Variants in PUDP observed in about 807,000 individuals in gnomAD.
PUDP encodes pseudouridine 5'-phosphatase, also known as pseudouridine-5'-phosphatase.
Under a neutral mutation model 9.4 loss-of-function variants are expected in PUDP, and 8 were observed. The ratio of observed to expected loss-of-function variants is 0.85; its 90% CI spans 0.50 to 1.53. The LOEUF is 1.53. Ranked by LOEUF, PUDP falls within the 40% of genes most tolerant of loss-of-function variation. PUDP has a pLI of 0.00. For synonymous variants in PUDP, 99 were observed against 80.7 expected, an observed-to-expected ratio of 1.23 and a Z score of -1.22; for missense variants, 188 against 189.7, an observed-to-expected ratio of 0.99 and a Z score of 0.05.
chrX:7,113,520 T>C (rs1932110014), intron 1 of PUDP: 1 of 112,582 alleles, frequency 8.9e-6, no homozygotes, highest in South Asian at 3.7e-4. Context: ...AGCACCTTAA[T>C]GGCAGCTGAG....
intron 3 of PUDP, among the ~76,000 whole-genome samples, chrX:6,932,580 T>C (rs764803836): frequency 1.8e-5 from 2 of 110,571 alleles, no homozygotes; most frequent in East Asian, 5.8e-4. Context: ...CCATCTGAGG[T>C]ACCGGGTTCA....
rs1702805668 is a variant in PUDP at position 6,800,366 on chromosome X, A to C, written c.*248-93900T>G. On this transcript the variant is annotated intron_variant and NMD_transcript_variant, in intron 3 of 3. Transcript: ENST00000655425. ...TAATAGAAGAAATCTCTCCATTTTC[A>C]TTAGATGAGAAAATGAAAGAAAATG... Among the ~76,000 whole-genome samples the C allele has an allele frequency of 2.7e-5, 3 of 112,040 alleles. No homozygotes were observed. The South Asian group carries it at 1.1e-3, about 42-fold the overall frequency.
chrX:6,905,743 G>A (rs974295837), intron 3 of PUDP, among the ~76,000 whole-genome samples: 1 of 111,225 alleles, frequency 9.0e-6, no homozygotes, highest in South Asian at 3.8e-4. Context: ...CAGAGACTTC[G>A]GTGTACAAAA....
chrX:7,042,668 T>C (rs1228337109), intron 1 of PUDP, among the ~76,000 whole-genome samples: 3 of 102,651 alleles, frequency 2.9e-5, no homozygotes, highest in Non-Finnish European at 5.9e-5. Context: ...TTGGGGGGGG[T>C]AGACATCAAA....
intron 3 of PUDP, among the ~76,000 whole-genome samples, chrX:6,973,552 ATTG>A (rs1928909743): frequency 8.9e-6 from 1 of 112,024 alleles, no homozygotes; most frequent in Admixed American, 9.5e-5. Context: ...TTGTAATTTG[ATTG>A]CACTGTGGTC....
chrX:7,062,597 G>A (rs1249817860), intron 3 of PUDP, among the ~76,000 whole-genome samples: 8 of 109,424 alleles, frequency 7.3e-5, no homozygotes, highest in African/African-American at 2.7e-4. Context: ...ACATTGTACT[G>A]GGGGCAGGCA....
intron 3 of PUDP, among the ~76,000 whole-genome samples, chrX:6,917,866 G>A (rs749025724): frequency 5.4e-4 from 61 of 112,099 alleles, no homozygotes; most frequent in African/African-American, 1.9e-3. Context: ...AGAAAGGTCC[G>A]TGAGAACATA....
At chrX:7,070,582 CTTT>C (rs775715448) in intron 3 of PUDP, among the ~76,000 whole-genome samples, 1 of 105,094 alleles carries the variant, frequency 9.5e-6, no homozygotes, top group Admixed American at 1.0e-4. Flanking sequence ...CAAATATTAA[CTTT>C]TTTTTTTTTT....
At chrX:6,971,583 ATT>A (rs745507486) in intron 3 of PUDP, among the ~76,000 whole-genome samples, 2 of 95,325 alleles carry the variant, frequency 2.1e-5, no homozygotes, top group Non-Finnish European at 2.1e-5. Flanking sequence ...CGCCCGGCTA[ATT>A]TTTTTTTTTT....
At chrX:6,804,068 G>A (rs1301590952) in intron 3 of PUDP, among the ~76,000 whole-genome samples, 1 of 111,564 alleles carries the variant, frequency 9.0e-6, no homozygotes, top group Non-Finnish European at 1.9e-5. Flanking sequence ...GCATGGTATT[G>A]TTTGAGATGA....
At chrX:7,036,708 C>T (rs1346046313) in intron 1 of PUDP, among the ~76,000 whole-genome samples, 5 of 111,429 alleles carry the variant, frequency 4.5e-5, no homozygotes, top group African/African-American at 1.3e-4. Context: ...TTGTGTCTCT[C>T]TCTCTGAGAT....
chrX:7,096,597 A>C (rs1237953699), intron 2 of PUDP, among the ~76,000 whole-genome samples: 2 of 111,338 alleles, frequency 1.8e-5, no homozygotes. Context: ...TGGGAGGCTG[A>C]GGAAGGAGGA....
intron 3 of PUDP, among the ~76,000 whole-genome samples, chrX:6,956,803 C>A (rs1462898373): frequency 9.0e-6 from 1 of 111,730 alleles, no homozygotes; most frequent in African/African-American, 3.3e-5. Flanking sequence ...CCAAAAGCCA[C>A]CATAGAAGGG....
At chrX:6,992,173 A>G (rs764315243) in intron 1 of PUDP, among the ~76,000 whole-genome samples, 3 of 110,474 alleles carry the variant, frequency 2.7e-5, no homozygotes, top group East Asian at 5.6e-4. Context: ...TTGCAGTTGC[A>G]TCGGATGTAC....
At chrX:7,130,729 T>C (rs923576003) in intron 1 of PUDP, among the ~76,000 whole-genome samples, 8 of 110,276 alleles carry the variant, frequency 7.3e-5, no homozygotes, top group Non-Finnish European at 1.5e-4. Context: ...CTACTAAAAA[T>C]ACAGCAATTA....
At chrX:7,011,338 G>A (rs1369076731) in intron 1 of PUDP, among the ~76,000 whole-genome samples, 2 of 111,721 alleles carry the variant, frequency 1.8e-5, no homozygotes, top group East Asian at 2.8e-4. Flanking sequence ...TCTGGATTTC[G>A]TTTAGAGATT....
rs533388707 is a variant in PUDP at position 6,800,996 on chromosome X, T to C, written c.*248-94530A>G. Reference sequence around the variant, plus strand: ...CAAATGCCACTGCTGCCTTCCAGCTTTGAGTCTGATGGATGGAGGACTCAG... The same window carrying C: ...CAAATGCCACTGCTGCCTTCCAGCTCTGAGTCTGATGGATGGAGGACTCAG... On this transcript the variant is annotated intron_variant and NMD_transcript_variant, in intron 3 of 3. Coordinates refer to the PUDP transcript ENST00000655425. Among the ~76,000 whole-genome samples, 20 of 111,655 alleles carry C rather than the reference T, an allele frequency of 1.8e-4. No homozygotes were observed. In the South Asian group the frequency reaches 6.8e-3, roughly 38 times the overall value.
At chrX:6,905,426 G>T (rs921540444) in intron 3 of PUDP, among the ~76,000 whole-genome samples, 7 of 111,846 alleles carry the variant, frequency 6.3e-5, no homozygotes, top group Middle Eastern at 4.6e-3. Context: ...ATCTATAAAG[G>T]GAAGAAGGTT....
chrX:7,056,717 G>A (rs1015784212), intron 3 of PUDP, among the ~76,000 whole-genome samples: 1 of 111,420 alleles, frequency 9.0e-6, no homozygotes, highest in African/African-American at 3.3e-5. Context: ...AGATGGTGGA[G>A]GTGTCCTGGG....
Sources: allele counts gnomAD v4.1 joint callset (sites outside exome capture counted in the v4.1 genomes callset), GRCh38; gene constraint gnomAD v4.1.1; transcripts MANE v1.5; gene names NCBI Gene and HGNC (gene_info 2026-07-23, HGNC 2026-07-21).